The following SYTL2 variants were observed in gnomAD, a reference collection of about 807,000 sequenced individuals.
SYTL2 encodes the protein synaptotagmin-like protein 2.
A neutral mutation model predicts 198.7 loss-of-function variants in SYTL2; 165 were observed. The ratio of observed to expected loss-of-function variants is 0.83; its 90% confidence interval spans 0.73 to 0.94. The LOEUF (loss-of-function observed/expected upper bound fraction) is 0.94, where lower values mean the gene tolerates loss of function less well. Among genes scored for constraint, SYTL2 ranks in the 40% least tolerant of loss-of-function variants. SYTL2 has a pLI of 0.00. For missense variants in SYTL2, 2,835 were observed against 2,582.8 expected (o/e 1.10, Z -2.12); for synonymous variants, 966 against 917.7 (o/e 1.05, Z -0.95).
chr11:85,809,072 C>A (rs1432741743), intron 1 of SYTL2, among the ~76,000 whole-genome samples: 1 of 152,152 alleles, frequency 6.6e-6, no homozygotes, highest in Non-Finnish European at 1.5e-5. Flanking sequence ...ATGGTGGAAC[C>A]TGGGCTTCCC....
intron 12 of SYTL2, among the ~76,000 whole-genome samples, chr11:85,712,433 C>G (rs1352660251): frequency 6.6e-6 from 1 of 152,278 alleles, no homozygotes; most frequent in East Asian, 1.9e-4. Context: ...TTACATGTAA[C>G]TGGCACTCAA....
At chr11:85,808,660 G>C (rs1314075641) in intron 1 of SYTL2, among the ~76,000 whole-genome samples, 2 of 152,034 alleles carry the variant, frequency 1.3e-5, no homozygotes, top group East Asian at 3.9e-4. Flanking sequence ...GTTTTATTCA[G>C]ATATTTTGAA....
At chr11:85,762,541 C>T (rs970509776) in intron 1 of SYTL2, among the ~76,000 whole-genome samples, 4 of 152,194 alleles carry the variant, frequency 2.6e-5, no homozygotes, top group African/African-American at 4.8e-5. Flanking sequence ...AATCCTTAAG[C>T]GGCCTGTAGG....
intron 18 of SYTL2, among the ~76,000 whole-genome samples, chr11:85,696,932 AT>A (rs961514191): frequency 1.7e-3 from 255 of 150,848 alleles, no homozygotes; most frequent in Non-Finnish European, 2.8e-3. Flanking sequence ...AAATTATGTA[AT>A]TTTTTTTTTA....
chr11:85,776,675 G>A lies in SYTL2; in HGVS notation c.-389-18561C>T, dbSNP rs1266583545. ...TGATGGACATTTGGGCTGGTTCCAA[G>A]TCTTTGCTATTGTGAATAGTGATGC... On this transcript the variant is annotated intron_variant, in intron 1 of 19. Coordinates refer to ENST00000359152, the MANE Select transcript of SYTL2 (RefSeq NM_206927.4). Among the ~76,000 whole-genome samples, 6 of 152,300 alleles carry A rather than the reference G, an allele frequency of 3.9e-5. No individual in the cohort carries two copies. In the East Asian group the frequency reaches 1.2e-3, roughly 29 times the overall value.
the SYTL2 span, among the ~76,000 whole-genome samples, chr11:85,824,039 C>A: frequency 1.3e-5 from 2 of 152,176 alleles, no homozygotes; most frequent in Admixed American, 1.3e-4. Flanking sequence ...CACCACACTG[C>A]CACCCATGAA....
Position 85,760,036 on chromosome 11 carries a change from C to T in SYTL2, c.-389-1922G>A, listed in dbSNP as rs144589677. ...CTAATGTTGGGCTTGGCCTGTGACT[C>T]GCTTTGGCCAATGGAATGTTAGCAA... On this transcript the variant is annotated intron_variant, in intron 1 of 19. Coordinates refer to ENST00000359152, the MANE Select transcript of SYTL2 (RefSeq NM_206927.4). Among the ~76,000 whole-genome samples the T allele has an allele frequency of 4.0e-3, 615 of 152,300 alleles. 14 individuals are homozygous for T. Among genetic ancestry groups the T allele is most frequent in the East Asian group, 4.4e-3 (23 of 5,180 alleles).
At chr11:85,808,886 TA>T (rs11311179) in intron 1 of SYTL2, among the ~76,000 whole-genome samples, 101,658 of 147,500 alleles carry the variant, frequency 0.69, 35,214 homozygotes, top group African/African-American at 0.78. Context: ...CCTCTTAATT[TA>T]AAAAAAAAAA....
At chr11:85,798,916 G>T (rs1022020373) in intron 1 of SYTL2, among the ~76,000 whole-genome samples, 1 of 152,206 alleles carries the variant, frequency 6.6e-6, no homozygotes, top group African/African-American at 2.4e-5. Flanking sequence ...GGCACAGTGA[G>T]CTACTCAATC....
chr11:85,717,639 T>A, intron 10 of SYTL2, 109 bp from the exon 11 acceptor site: 1 of 892,654 alleles, frequency 1.1e-6, no homozygotes, highest in Non-Finnish European at 1.9e-6. Context: ...GCAGAATACA[T>A]CTGACAGGTT....
At chr11:85,703,297 C>A (rs972187702) in intron 16 of SYTL2, among the ~76,000 whole-genome samples, 1 of 152,002 alleles carries the variant, frequency 6.6e-6, no homozygotes, top group African/African-American at 2.4e-5. Flanking sequence ...CTCACTGAAC[C>A]CCAAACCTCA....
chr11:85,745,804 T>C (rs1404207174), intron 3 of SYTL2, 32 bp from the exon 4 acceptor site: 1 of 1,590,312 alleles, frequency 6.3e-7, no homozygotes, highest in Non-Finnish European at 8.6e-7. Flanking sequence ...ACAGGAAGGT[T>C]ATCTCTCACC....
At chr11:85,738,773 A>T (rs1477250713) in intron 4 of SYTL2, among the ~76,000 whole-genome samples, 1 of 152,134 alleles carries the variant, frequency 6.6e-6, no homozygotes, top group African/African-American at 2.4e-5. Flanking sequence ...TAAATAAAGC[A>T]GTTACATAAT....
rs771067500 is a variant in SYTL2, at chr11:85,724,991, G to A, written c.4367C>T (p.Pro1456Leu). 4 of 1,613,952 alleles carry A rather than the reference G, an allele frequency of 2.5e-6. No homozygotes were observed. The East Asian group carries it at 6.7e-5, about 27-fold the overall frequency. Reference sequence around the variant, plus strand: ...AAATGAGCTAAGCGTCTGGTCTGATGGAGACATTTGGGCAGCTAAATAAGA... The same window carrying A: ...AAATGAGCTAAGCGTCTGGTCTGATAGAGACATTTGGGCAGCTAAATAAGA... Reference protein sequence around the residue: ...VGSYLAAQMSPSDQTLSSFAS... With the variant: ...VGSYLAAQMSLSDQTLSSFAS... The change falls in exon 8 of 20, where the codon CCA becomes CTA. Residue 1456 changes from proline to leucine, a missense_variant. Pro to Leu is a moderately conservative substitution (Grantham distance 98). Transcript: ENST00000359152.
chr11:85,837,238 G>C, the SYTL2 span, among the ~76,000 whole-genome samples: 100 of 152,272 alleles, frequency 6.6e-4, no homozygotes, highest in African/African-American at 2.2e-3. Context: ...TGTATTTTGA[G>C]GCAGGGCCTT....
rs1404340342 is a variant in SYTL2 at position 85,707,448 on chromosome 11, A to G, written c.5999T>C (p.Val2000Ala). Residue 2000 changes from valine to alanine, a missense_variant, in exon 15 of 20, where the codon GTG becomes GCG. Physicochemically the swap from Val to Ala is moderately conservative, Grantham distance 64. Transcript: ENST00000359152. ...AGATACCCGCAGTATTTCGTTATACACAGGATTCAAGGTTTTCTTCACTAC... is the reference window on the plus strand; with the variant it reads ...AGATACCCGCAGTATTTCGTTATACGCAGGATTCAAGGTTTTCTTCACTAC... ...TLVVKKTLNP[V>A]YNEILRYKIE... 6.2e-7 allele frequency: 1 copy of G among 1,613,746 alleles called. No individual in the cohort carries two copies. Among genetic ancestry groups the G allele is most frequent in the African/African-American group, 1.3e-5 (1 of 74,898 alleles).
Position 85,791,688 on chromosome 11 carries a change from C to T in SYTL2, c.-390+19266G>A, listed in dbSNP as rs558154991. Among the ~76,000 whole-genome samples the T allele has an allele frequency of 4.7e-4, 71 of 152,016 alleles. 1 individual carries two copies. The highest frequency in any genetic ancestry group is 3.3e-3 in the Admixed American group (50 of 15,288). On this transcript the variant is annotated intron_variant, in intron 1 of 19. Transcript: ENST00000359152. ...TGTGCCTGCAATAGCTCTTCAAATA[C>T]GTACCTGAAGACTCTTTTGACTCCC...
At chr11:85,809,483 G>A (rs2093002860) in intron 1 of SYTL2, among the ~76,000 whole-genome samples, 1 of 152,200 alleles carries the variant, frequency 6.6e-6, no homozygotes, top group African/African-American at 2.4e-5. Flanking sequence ...CACAATGTTA[G>A]ACATTTTTGC....
Position 85,734,727 on chromosome 11 carries a change from G to C in SYTL2, c.602C>G (p.Ser201Ter), listed in dbSNP as rs1377746043. 6.2e-7 allele frequency: 1 copy of C among 1,611,116 alleles called. No individual in the cohort carries two copies. The highest frequency in any genetic ancestry group is 8.5e-7 in the Non-Finnish European group (1 of 1,178,952). ...ATCTGCGACAGTTGACTTTTCTTTT[G>C]ACTCTGACAATTCATCTGAAAATTA... ...QTSKEDELSE[S>*]KEKSTVADTS... Residue 201 changes from serine to a stop codon, truncating the protein, a stop_gained, in exon 7 of 20, where the codon TCA (serine) becomes TGA (stop). Coordinates refer to ENST00000359152, the MANE Select transcript of SYTL2 (RefSeq NM_206927.4). LOFTEE classifies it high-confidence loss of function.
Sources: gnomAD v4.1 joint callset for allele counts (sites outside exome capture counted in the v4.1 genomes callset) on GRCh38, gnomAD v4.1.1 for gene constraint, MANE v1.5 for transcripts, NCBI Gene and HGNC (gene_info 2026-07-23, HGNC 2026-07-21) for gene names.